The following ASAP2 variants were observed in gnomAD, a reference collection of about 807,000 sequenced individuals.
ASAP2 encodes arf-GAP with SH3 domain, ANK repeat and PH domain-containing protein 2.
ASAP2 carries 45 observed loss-of-function variants against 131.4 expected under a neutral mutation model. That is an observed-to-expected ratio of 0.34 (90% CI 0.27 to 0.44). The LOEUF is 0.44. ASAP2 is among the 20% of genes least tolerant of loss of function. The pLI is 1.00. For missense variants in ASAP2, 1,011 were observed against 1,297.0 expected, an observed-to-expected ratio of 0.78 and a Z score of 3.39; for synonymous variants, 510 against 503.0, an observed-to-expected ratio of 1.01 and a Z score of -0.19.
chr2:9,281,515 TA>T lies in ASAP2; in HGVS notation c.199+2127del, dbSNP rs1667127203. Among the ~76,000 whole-genome samples the T allele has an allele frequency of 6.6e-6, 1 of 152,216 alleles. No individual in the cohort carries two copies. Among genetic ancestry groups the T allele is most frequent in the African/African-American group, 2.4e-5 (1 of 41,448 alleles). ...GAGCGTGTACCACAAACCTCATTCC[TA>T]TTTCTAACCACCCCCAAGCGTCGTT... is the stretch of plus-strand genomic sequence containing the variant. On this transcript the variant is annotated intron_variant, in intron 2 of 27. Coordinates refer to ENST00000281419, the MANE Select transcript of ASAP2 (RefSeq NM_003887.3). The surrounding 1 kb of genome is among the most constrained non-coding windows in gnomAD (Gnocchi z 4.0).
rs1340752088 is a variant in ASAP2 at position 9,393,655 on chromosome 2, AC to A, written c.2684+13del. ...GAAGAAGCCTGCGCCGGGGTAAGCC[AC>A]CCCCAGCCAGCTCGGCCATCCGTGC... On this transcript the variant is annotated intron_variant, in intron 24 of 27. Transcript: ENST00000281419. 4 of 1,556,244 alleles carry A rather than the reference AC, an allele frequency of 2.6e-6. No homozygotes were observed. The highest frequency in any genetic ancestry group is 8.7e-7 in the Non-Finnish European group (1 of 1,155,996).
At chr2:9,330,857 A>G (rs368378582) in intron 7 of ASAP2, among the ~76,000 whole-genome samples, 3 of 152,232 alleles carry the variant, frequency 2.0e-5, no homozygotes, top group Non-Finnish European at 2.9e-5. Context: ...TTTTATGGAC[A>G]TGATCCCAGT....
At chr2:9,243,914 G>A (rs1032641990) in intron 1 of ASAP2, among the ~76,000 whole-genome samples, 2 of 152,138 alleles carry the variant, frequency 1.3e-5, no homozygotes, top group African/African-American at 4.8e-5. Flanking sequence ...TAAATGTGCT[G>A]TGTGTGTGTT....
intron 1 of ASAP2, among the ~76,000 whole-genome samples, chr2:9,264,872 C>T (rs1377014219): frequency 6.6e-6 from 1 of 152,148 alleles, no homozygotes; most frequent in African/African-American, 2.4e-5. Context: ...GACACAATGC[C>T]TTATGCCTCT....
At chr2:9,234,917 A>T (rs1663434558) in intron 1 of ASAP2, among the ~76,000 whole-genome samples, 1 of 151,918 alleles carries the variant, frequency 6.6e-6, no homozygotes, top group South Asian at 2.1e-4. Flanking sequence ...ATTTTTCATG[A>T]CTCACCAATT....
rs57906310 is a variant in ASAP2, at chr2:9,302,169, C to CTTTT, written c.345+4742_345+4745dup. 6.8e-3 allele frequency among the ~76,000 whole-genome samples: 564 copies of CTTTT among 82,918 alleles called. 31 individuals are homozygous for CTTTT. The highest frequency in any genetic ancestry group is 0.026 in the African/African-American group (491 of 18,804). 54.4% of individuals were successfully genotyped at this position (82,918 alleles called of 152,430 possible). Reference sequence around the variant, plus strand: ...AACACAGATGATGTGAGTTAGAAGCCTTTTTTTTTTTTTTTTTTTTTGAGA... The same window carrying CTTTT: ...AACACAGATGATGTGAGTTAGAAGCCTTTTTTTTTTTTTTTTTTTTTTTTTGAGA... On this transcript the variant is annotated intron_variant, in intron 3 of 27. Transcript: ENST00000281419.
chr2:9,378,384 G>C (rs1289160158), intron 18 of ASAP2, among the ~76,000 whole-genome samples: 1 of 152,232 alleles, frequency 6.6e-6, no homozygotes, highest in East Asian at 1.9e-4. Context: ...CCTTTAGCCT[G>C]TTTTCAGAGG....
chr2:9,247,390 G>A (rs780861313), intron 1 of ASAP2, among the ~76,000 whole-genome samples: 6 of 152,192 alleles, frequency 3.9e-5, no homozygotes, highest in Non-Finnish European at 7.4e-5. Context: ...TCATTTGCAC[G>A]AGGCGAATCA....
intron 11 of ASAP2, among the ~76,000 whole-genome samples, chr2:9,348,093 A>G (rs1226819149): frequency 3.3e-5 from 5 of 152,108 alleles, no homozygotes; most frequent in Non-Finnish European, 5.9e-5. Flanking sequence ...CTGTATCTCA[A>G]TTAACTGATG....
At chr2:9,276,064 G>A (rs920264352) in intron 1 of ASAP2, among the ~76,000 whole-genome samples, 1 of 152,168 alleles carries the variant, frequency 6.6e-6, no homozygotes, top group Non-Finnish European at 1.5e-5. Flanking sequence ...GTTAATTTGT[G>A]TTTCTCTAGG....
At chr2:9,337,237 G>A (rs761257460) in intron 9 of ASAP2, among the ~76,000 whole-genome samples, 1 of 152,196 alleles carries the variant, frequency 6.6e-6, no homozygotes, top group Non-Finnish European at 1.5e-5. Context: ...TCCTAGTTGT[G>A]GGCGTGTTGT....
At chr2:9,345,969 A>T (rs1246208967) in intron 11 of ASAP2, among the ~76,000 whole-genome samples, 2 of 151,126 alleles carry the variant, frequency 1.3e-5, no homozygotes. Context: ...GTATATACCC[A>T]GTGGAGGGAT....
intron 27 of ASAP2, among the ~76,000 whole-genome samples, chr2:9,401,743 T>C (rs1676696694): frequency 6.6e-6 from 1 of 152,228 alleles, no homozygotes; most frequent in African/African-American, 2.4e-5. Flanking sequence ...AGAGCTGACC[T>C]AGAGCGCAGA....
chr2:9,292,874 G>A (rs1340095512), intron 2 of ASAP2, among the ~76,000 whole-genome samples: 2 of 152,238 alleles, frequency 1.3e-5, no homozygotes, highest in Non-Finnish European at 2.9e-5. Flanking sequence ...GATGAAAAAG[G>A]AGGTGATTGA....
chr2:9,317,320 C>A (rs1388334528), intron 3 of ASAP2, among the ~76,000 whole-genome samples: 1 of 96,572 alleles, frequency 1.0e-5, no homozygotes, highest in African/African-American at 4.0e-5. Flanking sequence ...CATCCACTCA[C>A]ACAATCATAT....
chr2:9,332,174 G>A (rs1002300223), intron 7 of ASAP2, among the ~76,000 whole-genome samples: 4 of 152,078 alleles, frequency 2.6e-5, no homozygotes, highest in African/African-American at 9.7e-5. Flanking sequence ...AATTTGATTG[G>A]GTAATGTTGA....
intron 1 of ASAP2, among the ~76,000 whole-genome samples, chr2:9,249,685 G>A (rs182369093): frequency 6.6e-6 from 1 of 151,570 alleles, no homozygotes; most frequent in Admixed American, 6.6e-5. Context: ...GAGACTGGGC[G>A]CTGGGCTGAG....
intron 2 of ASAP2, among the ~76,000 whole-genome samples, chr2:9,286,447 A>AAAAAATAT (rs58605449): frequency 1.3e-5 from 2 of 148,420 alleles, no homozygotes; most frequent in African/African-American, 5.1e-5. Context: ...GAAAAAAAAA[A>AAAAAATAT]ATATATATAT....
chr2:9,381,433 C>A lies in ASAP2; in HGVS notation c.2016+625C>A, dbSNP rs568852123. Among the ~76,000 whole-genome samples, 6 of 152,336 alleles carry A rather than the reference C, an allele frequency of 3.9e-5. No homozygotes were observed. In the South Asian group the frequency reaches 6.2e-4, roughly 16 times the overall value. ...ATGCTGTAAAGCAGTTGACACACAG[C>A]GCTCAGTAAATAGATTAAGGCCAGG... is the stretch of plus-strand genomic sequence containing the variant. On this transcript the variant is annotated intron_variant, in intron 20 of 27. Transcript: ENST00000281419.
Sources: allele counts gnomAD v4.1 joint callset (sites outside exome capture counted in the v4.1 genomes callset), GRCh38; gene constraint gnomAD v4.1.1; non-coding constraint Gnocchi (gnomAD v3.1); transcripts MANE v1.5; gene names NCBI Gene and HGNC (gene_info 2026-07-23, HGNC 2026-07-21).